Variants in TBC1D22A observed in about 807,000 individuals in gnomAD.
The protein encoded by TBC1D22A is putative GTPase activator.
Under a neutral mutation model 60.2 loss-of-function variants are expected in TBC1D22A, and 38 were observed. The observed-to-expected ratio is 0.63, with a 90% CI of 0.49 to 0.83. TBC1D22A has a LOEUF of 0.83. Ranked by LOEUF, TBC1D22A falls within the 40% of genes least tolerant of loss-of-function variation. The pLI is 0.00. For missense variants in TBC1D22A, 628 were observed against 701.0 expected, an observed-to-expected ratio of 0.90 and a Z score of 1.18; for synonymous variants, 302 against 281.7, an observed-to-expected ratio of 1.07 and a Z score of -0.72.
At chr22:46,838,974 G>T (rs927073195) in intron 4 of TBC1D22A, among the ~76,000 whole-genome samples, 15 of 152,160 alleles carry the variant, frequency 9.9e-5, no homozygotes, top group African/African-American at 3.6e-4. Flanking sequence ...CTAAGATCAG[G>T]AAGAGGACAG....
At chr22:47,003,875 T>A in intron 10 of TBC1D22A, among the ~76,000 whole-genome samples, 1 of 103,192 alleles carries the variant, frequency 9.7e-6, no homozygotes, top group Non-Finnish European at 1.9e-5. Context: ...ACCCACCAGA[T>A]ACATATACAC....
intron 10 of TBC1D22A, among the ~76,000 whole-genome samples, chr22:47,026,318 G>A (rs938906276): frequency 6.6e-6 from 1 of 152,154 alleles, no homozygotes; most frequent in African/African-American, 2.4e-5. Flanking sequence ...CCCCCAAATC[G>A]GAAACCTGGG....
chr22:46,995,266 G>T (rs2075081694), intron 9 of TBC1D22A, among the ~76,000 whole-genome samples: 1 of 152,172 alleles, frequency 6.6e-6, no homozygotes. Flanking sequence ...AGTGAAGGTG[G>T]CAAACGGAGT....
At chr22:47,000,789 T>C (rs1306537864) in intron 10 of TBC1D22A, among the ~76,000 whole-genome samples, 1 of 150,870 alleles carries the variant, frequency 6.6e-6, no homozygotes, top group African/African-American at 2.4e-5. Context: ...CATTTCCCAC[T>C]GGATAAGACC....
intron 11 of TBC1D22A, among the ~76,000 whole-genome samples, chr22:47,108,616 G>A (rs2147707792): frequency 6.6e-6 from 1 of 152,318 alleles, no homozygotes; most frequent in Non-Finnish European, 1.5e-5. Flanking sequence ...CACTACCTCG[G>A]TTGTGATGGT....
chr22:46,997,824 C>A (rs763076225), intron 10 of TBC1D22A, 115 bp downstream of exon 10: 4 of 824,532 alleles, frequency 4.9e-6, no homozygotes, highest in Non-Finnish European at 7.9e-6. Flanking sequence ...TGCTCAGGAT[C>A]CCTCATGGGC....
chr22:47,024,979 CA>C (rs2062209051), intron 10 of TBC1D22A, among the ~76,000 whole-genome samples: 1 of 152,142 alleles, frequency 6.6e-6, no homozygotes, highest in African/African-American at 2.4e-5. Context: ...ATATTAATGG[CA>C]AACAGTAGAT....
Position 46,858,924 on chromosome 22 carries a change from A to T in TBC1D22A, c.638-19729A>T, listed in dbSNP as rs192118947. On this transcript the variant is annotated intron_variant, in intron 4 of 12. Coordinates refer to ENST00000337137, the MANE Select transcript of TBC1D22A (RefSeq NM_014346.5). ...ATTCAAACAAAACAAAAATGATGAG[A>T]AAAAAAAGTCCCACATGCCCACGCG... is the stretch of plus-strand genomic sequence containing the variant. 5.3e-5 allele frequency among the ~76,000 whole-genome samples: 8 copies of T among 152,220 alleles called. No homozygotes were observed. In the East Asian group the frequency reaches 1.5e-3, roughly 29 times the overall value.
intron 11 of TBC1D22A, among the ~76,000 whole-genome samples, chr22:47,055,056 G>T (rs2063348596): frequency 6.6e-6 from 1 of 152,226 alleles, no homozygotes; most frequent in Non-Finnish European, 1.5e-5. Flanking sequence ...CTCCGAGGTG[G>T]AGGAGGTGAG....
chr22:47,121,657 C>T (rs1338252163), intron 12 of TBC1D22A, among the ~76,000 whole-genome samples: 1 of 152,066 alleles, frequency 6.6e-6, no homozygotes, highest in South Asian at 2.1e-4. Flanking sequence ...CGGTGCTAGC[C>T]TGACTTAGTT....
chr22:47,102,369 G>A (rs2065454142), intron 11 of TBC1D22A, among the ~76,000 whole-genome samples: 1 of 152,154 alleles, frequency 6.6e-6, no homozygotes, highest in African/African-American at 2.4e-5. Flanking sequence ...CCCACCCCAG[G>A]CGTGTGCCTC....
rs183112781 is a variant in TBC1D22A at position 46,985,293 on chromosome 22, G to A, written c.1125+10894G>A. Among the ~76,000 whole-genome samples the A allele has an allele frequency of 7.4e-3, 1,127 of 152,224 alleles. 47 individuals are homozygous for A. Among genetic ancestry groups the A allele is most frequent in the Admixed American group, 0.068 (1,035 of 15,296 alleles). ...TGGGGGAATGAATGCCTGGAGCGCC[G>A]AGTCCGTTTAGATGTGTCAAATCCA... is the stretch of plus-strand genomic sequence containing the variant. On this transcript the variant is annotated intron_variant, in intron 9 of 12. Coordinates refer to ENST00000337137, the MANE Select transcript of TBC1D22A (RefSeq NM_014346.5).
chr22:46,818,462 C>T (rs1413522543), intron 4 of TBC1D22A, among the ~76,000 whole-genome samples: 2 of 152,212 alleles, frequency 1.3e-5, no homozygotes, highest in African/African-American at 4.8e-5. Flanking sequence ...TAGTTTTGTG[C>T]ATATGGGTAG....
intron 12 of TBC1D22A, among the ~76,000 whole-genome samples, chr22:47,159,220 C>T (rs2067851960): frequency 6.7e-6 from 1 of 150,190 alleles, no homozygotes; most frequent in Admixed American, 6.6e-5. Flanking sequence ...ACCATGTATG[C>T]ACACAGACAC....
intron 6 of TBC1D22A, among the ~76,000 whole-genome samples, chr22:46,892,379 G>C (rs899364773): frequency 6.6e-6 from 1 of 152,236 alleles, no homozygotes; most frequent in Middle Eastern, 3.4e-3. Flanking sequence ...CTGGACAGCA[G>C]CTTCAAAGAC....
At chr22:46,762,903 G>A in intron 1 of TBC1D22A, 55 bp downstream of exon 1, 3 of 1,444,168 alleles carry the variant, frequency 2.1e-6, no homozygotes, top group Non-Finnish European at 2.7e-6. Context: ...TCAGGTGGCC[G>A]CGTTGGCCTC....
rs1005498162 is a variant in TBC1D22A, at chr22:46,814,749, C to T, written c.637+17129C>T. Among the ~76,000 whole-genome samples the T allele has an allele frequency of 3.9e-5, 6 of 151,906 alleles. No homozygotes were observed. In the East Asian group the frequency reaches 1.2e-3, roughly 29 times the overall value. On this transcript the variant is annotated intron_variant, in intron 4 of 12. Transcript: ENST00000337137. ...GCAACCTCCGCCTCACAGGTTCAAG[C>T]AATTCTCCTGCATCAGCTCCCGAGT...
At chr22:46,868,689 T>G (rs2147409963) in intron 4 of TBC1D22A, among the ~76,000 whole-genome samples, 1 of 152,336 alleles carries the variant, frequency 6.6e-6, no homozygotes, top group East Asian at 1.9e-4. Flanking sequence ...ATTTTGCAGA[T>G]TTTTACAGTT....
chr22:47,099,671 C>T (rs2065331351), intron 11 of TBC1D22A, among the ~76,000 whole-genome samples: 1 of 151,994 alleles, frequency 6.6e-6, no homozygotes, highest in Non-Finnish European at 1.5e-5. Context: ...TCTTGAACTC[C>T]TGACCTCAGG....
Sources: gnomAD v4.1 joint callset for allele counts (sites outside exome capture counted in the v4.1 genomes callset) on GRCh38, gnomAD v4.1.1 for gene constraint, MANE v1.5 for transcripts, NCBI Gene and HGNC (gene_info 2026-07-23, HGNC 2026-07-21) for gene names.